The following NIPBL variants were observed in gnomAD, a reference collection of about 807,000 sequenced individuals.
NIPBL encodes nipped-B-like protein.
In NIPBL, 19 loss-of-function variants were observed where a neutral mutation model predicts 321.8. The ratio of observed to expected loss-of-function variants is 0.06; its 90% CI spans 0.04 to 0.09. The LOEUF is 0.09. Ranked by LOEUF, NIPBL falls within the 10% of genes least tolerant of loss-of-function variation. The pLI, the probability that NIPBL is intolerant of heterozygous loss-of-function variation, is 1.00. For missense variants in NIPBL, 2,210 were observed against 3,327.0 expected, an observed-to-expected ratio of 0.66 and a Z score of 8.26; for synonymous variants, 1,106 against 1,114.1, an observed-to-expected ratio of 0.99 and a Z score of 0.14.
At chr5:37,007,265 T>A (rs1051109845) in intron 17 of NIPBL, 58 bp from the exon 18 acceptor site, 2 of 1,473,962 alleles carry the variant, frequency 1.4e-6, no homozygotes, top group Non-Finnish European at 1.9e-6. Context: ...TTGAGTACTG[T>A]TTATTAAAAA....
intron 8 of NIPBL, 100 bp downstream of exon 8, chr5:36,972,141 T>C (rs1561096282): frequency 1.3e-6 from 1 of 786,292 alleles, no homozygotes; most frequent in Non-Finnish European, 2.1e-6. Context: ...TATTCTGTAT[T>C]TTTTTTTCAT....
At chr5:36,906,488 G>T (rs916818455) in intron 1 of NIPBL, among the ~76,000 whole-genome samples, 4 of 152,096 alleles carry the variant, frequency 2.6e-5, no homozygotes, top group African/African-American at 9.7e-5. Flanking sequence ...AGAGTGATAT[G>T]TCCTTTTTTC....
chr5:36,997,454 A>G (rs77182386), intron 11 of NIPBL, among the ~76,000 whole-genome samples: 3,045 of 152,262 alleles, frequency 0.02, 83 homozygotes, highest in African/African-American at 0.062. Flanking sequence ...TTTGTCACCA[A>G]TGCAGCCACC....
Position 36,877,073 on chromosome 5 carries a change from A to G in NIPBL, c.-185A>G. 1 of 351,308 alleles carries G rather than the reference A, an allele frequency of 2.8e-6. No homozygotes were observed. Among genetic ancestry groups the G allele is most frequent in the Non-Finnish European group, 5.1e-6 (1 of 196,756 alleles). The allele number at this position is 351,308 out of a possible 1,614,324, so 21.8% of individuals were successfully genotyped here. A position where few individuals can be genotyped will look rare whatever the true frequency, so the allele number is the denominator to read the frequency against. On this transcript the variant is annotated 5_prime_UTR_variant, in exon 1 of 47. It removes the in-frame stop codon of an upstream open reading frame in the 5' UTR. Transcript: ENST00000282516. ...CCGGCTCTACATGTTCCCCGCACTG[A>G]GGAGACGGAAGAGGAGCCGTAGCCA... is the stretch of plus-strand genomic sequence containing the variant.
At chr5:37,013,239 C>T (rs1486916658) in intron 21 of NIPBL, among the ~76,000 whole-genome samples, 3 of 129,996 alleles carry the variant, frequency 2.3e-5, no homozygotes, top group Admixed American at 7.4e-5. Context: ...TCCCAGTAGG[C>T]GCGGCCGGGC....
chr5:36,949,620 A>G (rs995534085), intron 1 of NIPBL, among the ~76,000 whole-genome samples: 3 of 151,946 alleles, frequency 2.0e-5, no homozygotes, highest in South Asian at 2.1e-4. Flanking sequence ...GTTAACATGT[A>G]TATGATTATT....
chr5:37,020,040 C>T (rs904224441), intron 25 of NIPBL, among the ~76,000 whole-genome samples: 7 of 152,110 alleles, frequency 4.6e-5, no homozygotes, highest in African/African-American at 1.7e-4. Flanking sequence ...TGACAATTGT[C>T]TTGTGTGTTT....
At chr5:36,943,414 ATTGT>A (rs71604849) in intron 1 of NIPBL, among the ~76,000 whole-genome samples, 16,038 of 152,154 alleles carry the variant, frequency 0.11, 1,104 homozygotes, top group Admixed American at 0.19. Context: ...AGACATATAA[ATTGT>A]TTGTAGATCA....
At chr5:36,895,910 C>CT (rs571566031) in intron 1 of NIPBL, among the ~76,000 whole-genome samples, 99 of 152,250 alleles carry the variant, frequency 6.5e-4, no homozygotes, top group African/African-American at 2.4e-3. Context: ...TGTGGATTGT[C>CT]TTTTCACTTT....
intron 1 of NIPBL, among the ~76,000 whole-genome samples, chr5:36,881,331 T>C (rs1382778379): frequency 6.6e-6 from 1 of 151,896 alleles, no homozygotes; most frequent in South Asian, 2.1e-4. Context: ...GAGTCAGTTT[T>C]GTTGAATTGA....
rs752327065 is a variant in NIPBL, at chr5:37,045,498, T to C, written c.6399T>C (p.Leu2133=). ...AAGAGGACCCAAATAACACTTCACT[T>C]CTAACAAACAAACCAGCACTTCTTA... ...QHQEDPNNTS[L]LTNKPALLRS... is the part of the protein sequence containing the mutation. Residue 2133 remains leucine (L), a synonymous_variant, in exon 37 of 47, where the codon CTT becomes CTC. Coordinates refer to ENST00000282516, the MANE Select transcript of NIPBL (RefSeq NM_133433.4). 138 of 1,613,898 alleles carry C rather than the reference T, an allele frequency of 8.6e-5. No individual in the cohort carries two copies. The highest frequency in any genetic ancestry group is 1.1e-4 in the Non-Finnish European group (135 of 1,179,954).
chr5:36,924,340 GT>G (rs1242182019), intron 1 of NIPBL, among the ~76,000 whole-genome samples: 1 of 152,118 alleles, frequency 6.6e-6, no homozygotes, highest in African/African-American at 2.4e-5. Flanking sequence ...AGTTTAAATA[GT>G]TTTGTAGCTT....
intron 9 of NIPBL, among the ~76,000 whole-genome samples, chr5:36,983,163 T>A (rs972733405): frequency 6.6e-6 from 1 of 151,940 alleles, no homozygotes; most frequent in African/African-American, 2.4e-5. Flanking sequence ...TATAAATTCT[T>A]ACCATGTTAG....
intron 1 of NIPBL, among the ~76,000 whole-genome samples, chr5:36,903,523 G>A (rs578029699): frequency 5.3e-5 from 8 of 152,156 alleles, no homozygotes; most frequent in Non-Finnish European, 7.4e-5. Flanking sequence ...TTTATAGGTC[G>A]GGGAGGGGAC....
At chr5:36,966,341 G>A (rs372327378) in intron 6 of NIPBL, among the ~76,000 whole-genome samples, 2 of 152,002 alleles carry the variant, frequency 1.3e-5, no homozygotes, top group African/African-American at 4.8e-5. Context: ...TGCTGGTGTT[G>A]TTTAATTTGT....
At chr5:37,036,618 AT>A (rs902686930) in intron 33 of NIPBL, 131 bp downstream of exon 33, 4 of 313,918 alleles carry the variant, frequency 1.3e-5, no homozygotes, top group African/African-American at 8.9e-5. Context: ...AATGAAATAC[AT>A]TTTTGTTATA....
intron 9 of NIPBL, among the ~76,000 whole-genome samples, chr5:36,977,967 C>T (rs1325240438): frequency 2.0e-5 from 3 of 151,768 alleles, no homozygotes; most frequent in South Asian, 2.1e-4. Context: ...TTGTGTACCA[C>T]GGTGTATATA....
chr5:36,996,344 A>G lies in NIPBL; in HGVS notation c.3304+540A>G, dbSNP rs1746144891. On this transcript the variant is annotated intron_variant, in intron 11 of 46. Coordinates refer to ENST00000282516, the MANE Select transcript of NIPBL (RefSeq NM_133433.4). This position sits in a 1 kb window ranked among gnomAD's most constrained non-coding sequence, Gnocchi z 5.0. ...GAGATAGCCAGATGAAGAAATATTT[A>G]AAACCATACTATCACTAAATTATGA... is the stretch of plus-strand genomic sequence containing the variant. 3 of 448,914 alleles carry G rather than the reference A, an allele frequency of 6.7e-6. No individual in the cohort carries two copies. Among genetic ancestry groups the G allele is most frequent in the Non-Finnish European group, 1.3e-5 (3 of 223,178 alleles). The allele number at this position is 448,914 out of a possible 1,614,324, so 27.8% of individuals were successfully genotyped here.
chr5:36,969,634 G>T (rs1742633989), intron 6 of NIPBL, among the ~76,000 whole-genome samples: 1 of 152,138 alleles, frequency 6.6e-6, no homozygotes, highest in East Asian at 1.9e-4. Flanking sequence ...AACCAAAACT[G>T]TAAGGCTTTT....
Sources: gnomAD v4.1 joint callset for allele counts (sites outside exome capture counted in the v4.1 genomes callset) on GRCh38, gnomAD v4.1.1 for gene constraint, Gnocchi (gnomAD v3.1) non-coding constraint, MANE v1.5 for transcripts, NCBI Gene and HGNC (gene_info 2026-07-23, HGNC 2026-07-21) for gene names.